ACTN4: variants seen among roughly 807,000 people sequenced by gnomAD.
ACTN4 encodes actinin alpha 4, also known as alpha-actinin-4.
Under a neutral mutation model 114.2 loss-of-function variants are expected in ACTN4, and 18 were observed. The observed-to-expected ratio is 0.16, with a 90% CI of 0.11 to 0.23. The LOEUF (loss-of-function observed/expected upper bound fraction) is 0.23, where lower values mean the gene tolerates loss of function less well. Ranked by LOEUF, ACTN4 falls within the 10% of genes least tolerant of loss-of-function variation. ACTN4 has a pLI of 1.00. For missense variants in ACTN4, 722 were observed against 1,262.9 expected (o/e 0.57, Z 6.49); for synonymous variants, 515 against 506.3 (o/e 1.02, Z -0.23).
chr19:38,727,887 C>A lies in ACTN4; in HGVS notation c.2338-59C>A. 2 of 1,541,696 alleles carry A rather than the reference C, an allele frequency of 1.3e-6. No individual in the cohort carries two copies. Among genetic ancestry groups the A allele is most frequent in the South Asian group, 1.1e-5 (1 of 87,996 alleles). On this transcript the variant is annotated intron_variant, in intron 18 of 20. Transcript: ENST00000252699. This position sits in a 1 kb window ranked among gnomAD's most constrained non-coding sequence, Gnocchi z 5.4. ...CTGCCCTCTGCATGTGACCCCGATC[C>A]CTCATCCTGGTCTCCACGCCGCCCC...
intron 1 of ACTN4, among the ~76,000 whole-genome samples, chr19:38,684,417 A>G (rs1373725062): frequency 6.6e-6 from 1 of 152,034 alleles, no homozygotes; most frequent in Non-Finnish European, 1.5e-5. Flanking sequence ...ACACCTTCCC[A>G]GTGCTGCCCC....
At position 38,694,000 on chromosome 19, in the gene ACTN4, G is replaced by A. The variant is rs142615232; in HGVS notation, c.163-6600G>A. 2.6e-3 allele frequency among the ~76,000 whole-genome samples: 396 copies of A among 152,292 alleles called. 2 individuals are homozygous for A. Among genetic ancestry groups the A allele is most frequent in the African/African-American group, 9.0e-3 (374 of 41,576 alleles). On this transcript the variant is annotated intron_variant, in intron 1 of 20. Transcript: ENST00000252699. ...GAGAAGCCTCTTTAATAGGCTGCCC[G>A]TGTGCAGGGGCAAGCTCTGAAGCCT...
intron 1 of ACTN4, among the ~76,000 whole-genome samples, chr19:38,668,914 C>T (rs751346567): frequency 8.5e-5 from 13 of 152,064 alleles, no homozygotes; most frequent in Non-Finnish European, 1.5e-4. Flanking sequence ...AATCGACCTC[C>T]AGGAGAGTTG....
intron 13 of ACTN4, 43 bp from the exon 14 acceptor site, chr19:38,723,894 C>A: frequency 6.2e-7 from 1 of 1,610,198 alleles, no homozygotes; most frequent in Non-Finnish European, 8.5e-7. Flanking sequence ...ACATACTGAC[C>A]TGCCTTCCCT....
In ACTN4 at chr19:38,723,996, G is replaced by A. The variant is rs150183570; in HGVS notation, c.1611G>A (p.Ala537=). Residue 537 remains alanine, a synonymous_variant, in exon 14 of 21, where the codon GCG becomes GCA. Coordinates refer to ENST00000252699, the MANE Select transcript of ACTN4 (RefSeq NM_004924.6). ...TGCACCTGGAATACGCCAAGCGCGC[G>A]GCCCCCTTCAACAACTGGATGGAGA... is the stretch of plus-strand genomic sequence containing the variant. The part of the protein sequence containing the change: ...DQLHLEYAKR[A]APFNNWMESA... 1.0e-3 allele frequency: 1,672 copies of A among 1,613,680 alleles called. 9 individuals are homozygous for A. The African/African-American group carries it at 0.015, about 14-fold the overall frequency.
At chr19:38,691,299 G>T (rs1967915431) in intron 1 of ACTN4, among the ~76,000 whole-genome samples, 1 of 151,856 alleles carries the variant, frequency 6.6e-6, no homozygotes, top group African/African-American at 2.4e-5. Flanking sequence ...TACTCGGGAG[G>T]CTGAGGCCAG....
intron 12 of ACTN4, chr19:38,721,995 C>A: frequency 4.4e-6 from 2 of 456,612 alleles, no homozygotes; most frequent in Non-Finnish European, 8.1e-6. Flanking sequence ...CCTGGCCACC[C>A]CAAGTAGGCC....
chr19:38,728,099 C>T (rs1486997597), intron 19 of ACTN4, 73 bp downstream of exon 19: 17 of 1,514,594 alleles, frequency 1.1e-5, no homozygotes, highest in South Asian at 3.6e-5. Context: ...CTCTTTCTCC[C>T]CTCGCCATCC....
intron 8 of ACTN4, among the ~76,000 whole-genome samples, chr19:38,711,954 G>A (rs1309746740): frequency 6.6e-6 from 1 of 152,198 alleles, no homozygotes; most frequent in Non-Finnish European, 1.5e-5. Flanking sequence ...CAGCGTTCAC[G>A]CAGAGGCCCA....
intron 9 of ACTN4, 79 bp downstream of exon 9, chr19:38,714,640 G>A: frequency 1.4e-6 from 2 of 1,435,688 alleles, no homozygotes; most frequent in Admixed American, 3.5e-5. Context: ...CAGGGGGAAA[G>A]CAGGTGTGGC....
chr19:38,727,946 G>A lies in ACTN4; in HGVS notation c.2338G>A (p.Asp780Asn). ...FRASFNHFDKDHGGALGPEEF... is the reference protein window; with the variant it reads ...FRASFNHFDKNHGGALGPEEF... ...ACCTGCCTTCGGATGGCCCCGGCAG[G>A]ATCATGGCGGGGCGCTGGGGCCCGA... The change falls in exon 19 of 21, where the codon GAT (aspartate) becomes AAT (asparagine). Residue 780 changes from aspartate to asparagine, a missense_variant and splice_region_variant. Asp to Asn is a conservative substitution (Grantham distance 23). This residue lies in a region of ACTN4 where 523 missense variants were observed against 875.9 expected (regional missense o/e 0.60). Transcript: ENST00000252699. This position sits in a 1 kb window ranked among gnomAD's most constrained non-coding sequence, Gnocchi z 5.4. 1 of 1,612,720 alleles carries A rather than the reference G, an allele frequency of 6.2e-7. No homozygotes were observed. Among genetic ancestry groups the A allele is most frequent in the Non-Finnish European group, 8.5e-7 (1 of 1,179,798 alleles).
chr19:38,728,534 C>T (rs1005521077), intron 19 of ACTN4, among the ~76,000 whole-genome samples: 1 of 151,786 alleles, frequency 6.6e-6, no homozygotes, highest in Non-Finnish European at 1.5e-5. Context: ...CCGTGCCTGC[C>T]TCTTCCTCTG....
At chr19:38,659,559 A>G (rs7351086) in intron 1 of ACTN4, among the ~76,000 whole-genome samples, 24,425 of 152,214 alleles carry the variant, frequency 0.16, 2,185 homozygotes, top group Middle Eastern at 0.37. Context: ...CCATAAAAAT[A>G]TAAGACTCAC....
chr19:38,726,869 G>A (rs1969249543), intron 17 of ACTN4, 88 bp from the exon 18 acceptor site: 1 of 1,579,962 alleles, frequency 6.3e-7, no homozygotes, highest in Non-Finnish European at 8.6e-7. Context: ...CCCAGGGCGG[G>A]AGGACAGTTC....
At chr19:38,683,489 C>CT (rs1967642532) in intron 1 of ACTN4, among the ~76,000 whole-genome samples, 1 of 152,178 alleles carries the variant, frequency 6.6e-6, no homozygotes. Context: ...GCCAGGCCTC[C>CT]TAGGCCATTG....
intron 12 of ACTN4, among the ~76,000 whole-genome samples, chr19:38,722,605 T>A (rs140739873): frequency 6.6e-6 from 1 of 152,320 alleles, no homozygotes; most frequent in East Asian, 1.9e-4. Context: ...AAGAGTCCCG[T>A]GGGGCCATCA....
intron 5 of ACTN4, among the ~76,000 whole-genome samples, 193 bp downstream of exon 5, chr19:38,706,324 C>T (rs1963966914): frequency 6.6e-6 from 1 of 152,244 alleles, no homozygotes. Context: ...GGCAGTTTCC[C>T]AGCCATCCTG....
In ACTN4 at chr19:38,662,428, T is replaced by C. The variant is rs117772330; in HGVS notation, c.162+14521T>C. Among the ~76,000 whole-genome samples the C allele has an allele frequency of 9.9e-3, 1,514 of 152,196 alleles. 77 individuals carry two copies. In the East Asian group the frequency reaches 0.13, roughly 13 times the overall value. On this transcript the variant is annotated intron_variant, in intron 1 of 20. Coordinates refer to ENST00000252699, the MANE Select transcript of ACTN4 (RefSeq NM_004924.6). ...CGTGGGTAGAGTATAACGGAGCAAATGATTATGGTGGCCTGTGATGGTGCA... is the reference window on the plus strand; with the variant it reads ...CGTGGGTAGAGTATAACGGAGCAAACGATTATGGTGGCCTGTGATGGTGCA...
In ACTN4 at chr19:38,727,106, G is replaced by A; in HGVS notation, c.2337+3G>A. On this transcript the variant is annotated splice_donor_region_variant and intron_variant, in intron 18 of 20. Coordinates refer to ENST00000252699, the MANE Select transcript of ACTN4 (RefSeq NM_004924.6). The surrounding 1 kb of genome is among the most constrained non-coding windows in gnomAD (Gnocchi z 5.4). ...CGTCCTTCAACCACTTCGACAAGGT[G>A]AGCAGCCTGCCACCTCCTCGGCCTC... 1 of 1,613,860 alleles carries A rather than the reference G, an allele frequency of 6.2e-7. No homozygotes were observed. Among genetic ancestry groups the A allele is most frequent in the Non-Finnish European group, 8.5e-7 (1 of 1,179,998 alleles).
Sources: gnomAD v4.1 joint callset for allele counts (sites outside exome capture counted in the v4.1 genomes callset) on GRCh38, gnomAD v4.1.1 for gene constraint, gnomAD v4.1.1 regional missense constraint, Gnocchi (gnomAD v3.1) non-coding constraint, MANE v1.5 for transcripts, NCBI Gene and HGNC (gene_info 2026-07-23, HGNC 2026-07-21) for gene names.